USP28: variants seen among roughly 807,000 people sequenced by gnomAD.
USP28 encodes ubiquitin specific peptidase 28.
USP28 carries 113 observed loss-of-function variants against 145.0 expected under a neutral mutation model. That is an observed-to-expected ratio of 0.78 (90% CI 0.67 to 0.91). USP28 has a LOEUF of 0.91. Ranked by LOEUF, USP28 falls within the 40% of genes least tolerant of loss-of-function variation. The pLI is 0.00. For missense variants in USP28, 1,201 were observed against 1,289.6 expected, an observed-to-expected ratio of 0.93 and a Z score of 1.05; for synonymous variants, 447 against 450.9, an observed-to-expected ratio of 0.99 and a Z score of 0.11.
chr11:113,870,513 G>A (rs1021180540), intron 1 of USP28, among the ~76,000 whole-genome samples: 1 of 152,230 alleles, frequency 6.6e-6, no homozygotes, highest in African/African-American at 2.4e-5. Flanking sequence ...GGTGACAGAG[G>A]GAGAGATCCT....
chr11:113,874,141 G>GAA lies in USP28; in HGVS notation c.57+1302_57+1303dup, dbSNP rs552125095. ...GGGCGACAAAGTGAGACTCCGTCTG[G>GAA]AAAAAAAAAAAAAAAAAAAGTGCGT... is the stretch of plus-strand genomic sequence containing the variant. On this transcript the variant is annotated intron_variant, in intron 1 of 24. Coordinates refer to ENST00000003302, the Ensembl canonical transcript of USP28. Among the ~76,000 whole-genome samples, 142 of 83,420 alleles carry GAA rather than the reference G, an allele frequency of 1.7e-3. 1 individual carries two copies. Among genetic ancestry groups the GAA allele is most frequent in the African/African-American group, 3.4e-3 (74 of 21,800 alleles). The allele number at this position is 83,420 out of a possible 152,430, so 54.7% of individuals were successfully genotyped here.
exon 1 of USP28, chr11:113,875,470 G>T (rs1470420006): frequency 1.1e-5 from 13 of 1,236,026 alleles, no homozygotes; most frequent in Non-Finnish European, 1.3e-5. Flanking sequence ...TGCCGCGCCG[G>T]CCGCGTCGTC....
intron 21 of USP28, among the ~76,000 whole-genome samples, chr11:113,804,122 C>T (rs748928263): frequency 1.3e-5 from 2 of 152,206 alleles, no homozygotes; most frequent in African/African-American, 2.4e-5. Context: ...CTACGAGCTT[C>T]GGATTTTATC....
intron 1 of USP28, among the ~76,000 whole-genome samples, chr11:113,867,950 C>T (rs534716935): frequency 6.6e-6 from 1 of 152,246 alleles, no homozygotes; most frequent in South Asian, 2.1e-4. Flanking sequence ...TGCCTACCAG[C>T]CATCATGTAG....
At chr11:113,828,321 T>C (rs1272589767) in intron 10 of USP28, among the ~76,000 whole-genome samples, 1 of 152,198 alleles carries the variant, frequency 6.6e-6, no homozygotes, top group African/African-American at 2.4e-5. Context: ...TAAGTATAGC[T>C]GGTGAAGACT....
At chr11:113,816,244 C>T (rs1470054729) in intron 13 of USP28, among the ~76,000 whole-genome samples, 2 of 152,114 alleles carry the variant, frequency 1.3e-5, no homozygotes, top group Admixed American at 6.6e-5. Context: ...CTGCCGGGTA[C>T]GGTGGCTCAC....
intron 11 of USP28, among the ~76,000 whole-genome samples, chr11:113,826,821 A>G (rs568974769): frequency 1.3e-4 from 20 of 151,212 alleles, no homozygotes; most frequent in Non-Finnish European, 2.2e-4. Context: ...TGGGAGGCTG[A>G]GGCAGGAGAA....
At chr11:113,863,767 A>C (rs573817620) in intron 1 of USP28, among the ~76,000 whole-genome samples, 127 of 150,486 alleles carry the variant, frequency 8.4e-4, no homozygotes, top group Non-Finnish European at 1.5e-3. Context: ...AACACGGTGA[A>C]ACCCTGTCTC....
chr11:113,831,059 C>T, intron 8 of USP28, 116 bp from the exon 9 acceptor site: 3 of 930,360 alleles, frequency 3.2e-6, no homozygotes, highest in Non-Finnish European at 5.2e-6. Flanking sequence ...CCCAAAGAGC[C>T]AGGTATGATC....
At chr11:113,809,709 G>C (rs572949048) in intron 16 of USP28, among the ~76,000 whole-genome samples, 4 of 152,204 alleles carry the variant, frequency 2.6e-5, no homozygotes, top group African/African-American at 9.6e-5. Context: ...TTAAACATCT[G>C]CTAAGTGAAT....
intron 23 of USP28, 53 bp downstream of exon 24, chr11:113,803,105 A>C: frequency 6.6e-7 from 1 of 1,526,534 alleles, no homozygotes; most frequent in Non-Finnish European, 8.8e-7. Context: ...CCTGGCTTCA[A>C]GGAGCAGAGG....
chr11:113,838,467 C>G (rs962745841), intron 5 of USP28, among the ~76,000 whole-genome samples: 8 of 152,206 alleles, frequency 5.3e-5, no homozygotes, highest in African/African-American at 1.9e-4. Flanking sequence ...ACCACCTTTC[C>G]TATCCCACTG....
chr11:113,817,589 A>T (rs1941924856), intron 13 of USP28, 69 bp downstream of exon 13: 5 of 1,529,830 alleles, frequency 3.3e-6, no homozygotes, highest in Non-Finnish European at 4.4e-6. Context: ...TCAAGTACAA[A>T]GATGGTGCAT....
chr11:113,830,718 A>G, intron 9 of USP28, 149 bp downstream of exon 9: 1 of 592,388 alleles, frequency 1.7e-6, no homozygotes, highest in Middle Eastern at 2.6e-4. Flanking sequence ...GTTTATCCAC[A>G]GTTAAACAGA....
At chr11:113,874,465 A>C (rs1034705763) in intron 1 of USP28, 4 of 1,232,750 alleles carry the variant, frequency 3.2e-6, no homozygotes, top group Admixed American at 3.0e-5. Context: ...TCCATGCTAA[A>C]TACTACTGGC....
chr11:113,829,263 T>C, exon 10 of USP28: 1 of 1,614,140 alleles, frequency 6.2e-7, no homozygotes. Flanking sequence ...CCATGGCCCC[T>C]TCCAAACACT....
Position 113,799,163 on chromosome 11 carries a change from G to A in USP28, c.*77C>T, listed in dbSNP as rs1336697744. The stretch of plus-strand genomic sequence containing the variant: ...GTGCCCACCTAATCCTTTTCCCAAG[G>A]TGAGCACTATGACAACGAACTTCTG... On this transcript the variant is annotated 3_prime_UTR_variant, in exon 25 of 25. Coordinates refer to ENST00000003302, the Ensembl canonical transcript of USP28. 1.3e-5 allele frequency: 20 copies of A among 1,492,366 alleles called. No homozygotes were observed. The East Asian group carries it at 3.7e-4, about 27-fold the overall frequency. 92.4% of individuals were successfully genotyped at this position (1,492,366 alleles called of 1,614,324 possible).
chr11:113,850,754 C>T (rs145777599), intron 3 of USP28, among the ~76,000 whole-genome samples: 556 of 152,240 alleles, frequency 3.7e-3, no homozygotes, highest in Non-Finnish European at 5.1e-3. Flanking sequence ...CCTTTTCTTT[C>T]CCCTATACCC....
rs912554265 is a variant in USP28, at chr11:113,875,454, G to A, written c.48C>T (p.Gly16=). 9.6e-6 allele frequency: 12 copies of A among 1,246,266 alleles called. 1 individual carries two copies. The Admixed American group carries it at 1.8e-4, about 19-fold the overall frequency. The allele number at this position is 1,246,266 out of a possible 1,614,324, so 77.2% of individuals were successfully genotyped here. ...CCGCCGCGGAGCCCACCGAGCCGTG[G>A]CCGTCTGCCGCGCCGGCCGCGTCGT... The change falls in exon 1 of 25, where the codon GGC becomes GGT. Residue 16 remains glycine (G), a synonymous_variant. Coordinates refer to ENST00000003302, the Ensembl canonical transcript of USP28.
Sources: gnomAD v4.1 joint callset for allele counts (sites outside exome capture counted in the v4.1 genomes callset) on GRCh38, gnomAD v4.1.1 for gene constraint, MANE v1.5 for transcripts, NCBI Gene and HGNC (gene_info 2026-07-23, HGNC 2026-07-21) for gene names.